Variants in FMN1 observed in about 807,000 individuals in gnomAD.
FMN1 encodes formin 1, also known as formin-1.
In FMN1, 110 loss-of-function variants were observed where a neutral mutation model predicts 132.4. The ratio of observed to expected loss-of-function variants is 0.83; its 90% CI spans 0.71 to 0.97. FMN1 has a LOEUF of 0.97. FMN1 is among the 50% of genes least tolerant of loss of function. FMN1 has a pLI of 0.00. For synonymous variants in FMN1, 722 were observed against 651.7 expected, an observed-to-expected ratio of 1.11 and a Z score of -1.64; for missense variants, 1,792 against 1,705.3, an observed-to-expected ratio of 1.05 and a Z score of -0.90.
chr15:33,059,576 G>T (rs529312388), intron 6 of FMN1, among the ~76,000 whole-genome samples: 3 of 151,844 alleles, frequency 2.0e-5, no homozygotes, highest in Non-Finnish European at 4.4e-5. Context: ...TTGGCAAAAA[G>T]ATTTAAAAAA....
intron 10 of FMN1, among the ~76,000 whole-genome samples, chr15:32,919,210 C>T (rs1349073295): frequency 8.5e-5 from 13 of 152,070 alleles, no homozygotes; most frequent in Non-Finnish European, 1.2e-4. Context: ...TTTAACTAAA[C>T]TTCACAAAAT....
chr15:32,813,986 G>A (rs933588305), intron 17 of FMN1, among the ~76,000 whole-genome samples: 1 of 152,128 alleles, frequency 6.6e-6, no homozygotes, highest in East Asian at 1.9e-4. Context: ...TCTTCCATAG[G>A]AATAGATACA....
rs36016183 is a variant in FMN1, at chr15:32,926,388, C to CTCT, written c.3139-130_3139-128dup. The CTCT allele has an allele frequency of 0.4, 222,959 of 559,832 alleles. 46,588 individuals are homozygous for CTCT. Among genetic ancestry groups the CTCT allele is most frequent in the African/African-American group, 0.58 (30,041 of 51,576 alleles). 34.7% of individuals were successfully genotyped at this position (559,832 alleles called of 1,614,324 possible). ...ATGAACTAAATTGATGCTGCATGCA[C>CTCT]TCTTTAAATAATACTTAATTGGGAA... On this transcript the variant is annotated intron_variant, in intron 9 of 20. Transcript: ENST00000616417.
chr15:32,785,503 C>A (rs1047511906), intron 19 of FMN1, among the ~76,000 whole-genome samples: 1 of 151,844 alleles, frequency 6.6e-6, no homozygotes, highest in Admixed American at 6.6e-5. Flanking sequence ...AGGTAACTGG[C>A]CCCTGAAAAT....
intron 10 of FMN1, among the ~76,000 whole-genome samples, chr15:32,916,841 T>C (rs2060696456): frequency 6.6e-6 from 1 of 152,110 alleles, no homozygotes; most frequent in African/African-American, 2.4e-5. Flanking sequence ...AAAATACTGG[T>C]ATTTTTCAGA....
At chr15:33,013,166 TG>T in intron 6 of FMN1, 1 of 368,700 alleles carries the variant, frequency 2.7e-6, no homozygotes, top group South Asian at 2.3e-5. Context: ...CAAAGCACAG[TG>T]GTGGCACAGG....
At chr15:32,938,834 T>C (rs552148470) in intron 9 of FMN1, among the ~76,000 whole-genome samples, 1 of 152,368 alleles carries the variant, frequency 6.6e-6, no homozygotes, top group East Asian at 1.9e-4. Flanking sequence ...TAATGATTTT[T>C]ATTAGTCACA....
Position 33,116,577 on chromosome 15 carries a change from GT to G in FMN1, c.1868-27604del, listed in dbSNP as rs370688329. Reference sequence around the variant, plus strand: ...TTCTGTTAAATTTAGTTTGTCGAAAGTTTTTTTTTTAATTTTTTAACACCTC... The same window carrying G: ...TTCTGTTAAATTTAGTTTGTCGAAAGTTTTTTTTTAATTTTTTAACACCTC... On this transcript the variant is annotated intron_variant, in intron 4 of 20. Coordinates refer to ENST00000616417, the MANE Select transcript of FMN1 (RefSeq NM_001277313.2). 1.1e-3 allele frequency among the ~76,000 whole-genome samples: 167 copies of G among 149,392 alleles called. 1 individual carries two copies. The highest frequency in any genetic ancestry group is 3.8e-3 in the African/African-American group (155 of 40,774).
At chr15:33,103,370 G>A (rs974847016) in intron 4 of FMN1, among the ~76,000 whole-genome samples, 1 of 152,056 alleles carries the variant, frequency 6.6e-6, no homozygotes, top group Non-Finnish European at 1.5e-5. Context: ...ACCTTCTGGA[G>A]TTACTATAAA....
Position 32,994,226 on chromosome 15 carries a change from TCTCTCTCACACA to T in FMN1, c.2223+13776_2223+13787del, listed in dbSNP as rs1566802834. 6.7e-5 allele frequency among the ~76,000 whole-genome samples: 10 copies of T among 148,524 alleles called. No homozygotes were observed. The South Asian group carries it at 2.1e-3, about 32-fold the overall frequency. ...TAGAACTCATTCCTCTCTCTCTCTC[TCTCTCTCACACA>T]CACACACACACAGACACACACACAC... On this transcript the variant is annotated intron_variant, in intron 7 of 20. Coordinates refer to ENST00000616417, the MANE Select transcript of FMN1 (RefSeq NM_001277313.2).
rs760480796 is a variant in FMN1 at position 32,964,202 on chromosome 15, G to A, written c.3043C>T (p.Pro1015Ser). The A allele has an allele frequency of 1.2e-6, 2 of 1,612,054 alleles. No homozygotes were observed. Among genetic ancestry groups the A allele is most frequent in the Non-Finnish European group, 1.7e-6 (2 of 1,178,758 alleles). ...GAGAATAAATACTCAAATTCACTGG[G>A]GTCCCGAATGTCAGGTTCTTCTAAG... ...DSLEEPDIRDPSEFEYLFSKD... is the reference protein window; with the variant it reads ...DSLEEPDIRDSSEFEYLFSKD... Residue 1015 changes from proline (P) to serine (S), a missense_variant, in exon 9 of 21, where the codon CCC becomes TCC. Transcript: ENST00000616417.
At chr15:33,128,467 T>C (rs1249296538) in intron 4 of FMN1, among the ~76,000 whole-genome samples, 2 of 152,172 alleles carry the variant, frequency 1.3e-5, no homozygotes, top group African/African-American at 2.4e-5. Context: ...CATTGCAAGG[T>C]CCATTTATAA....
intron 6 of FMN1, among the ~76,000 whole-genome samples, chr15:33,032,008 A>G (rs1016551368): frequency 3.3e-5 from 5 of 152,266 alleles, no homozygotes; most frequent in African/African-American, 1.2e-4. Context: ...TGTTACAATC[A>G]TTAACAACAA....
At chr15:33,126,725 G>A (rs962257745) in intron 4 of FMN1, among the ~76,000 whole-genome samples, 2 of 151,976 alleles carry the variant, frequency 1.3e-5, no homozygotes, top group East Asian at 1.9e-4. Context: ...CTACGCTACA[G>A]GCAGGCTGGA....
chr15:33,028,825 T>G (rs2141052962), intron 6 of FMN1, among the ~76,000 whole-genome samples: 1 of 152,296 alleles, frequency 6.6e-6, no homozygotes, highest in Admixed American at 6.5e-5. Context: ...CTTGATTAAC[T>G]CTAATACAGA....
chr15:32,992,770 A>G (rs1464275507), intron 7 of FMN1, among the ~76,000 whole-genome samples: 4 of 152,180 alleles, frequency 2.6e-5, no homozygotes, highest in African/African-American at 9.6e-5. Context: ...TAAGAAGACA[A>G]TTTTATTAAA....
intron 17 of FMN1, among the ~76,000 whole-genome samples, chr15:32,836,322 T>A (rs186974123): frequency 1.2e-3 from 179 of 152,328 alleles, no homozygotes; most frequent in African/African-American, 4.2e-3. Context: ...CAAAGCCAAC[T>A]GCATGGCGGT....
At chr15:32,991,508 C>G (rs2033432342) in intron 7 of FMN1, among the ~76,000 whole-genome samples, 1 of 152,186 alleles carries the variant, frequency 6.6e-6, no homozygotes, top group Non-Finnish European at 1.5e-5. Context: ...TAGGGAGCAT[C>G]AGGGCTGTGA....
intron 6 of FMN1, among the ~76,000 whole-genome samples, chr15:33,028,946 G>C (rs377621131): frequency 6.6e-6 from 1 of 152,146 alleles, no homozygotes; most frequent in African/African-American, 2.4e-5. Context: ...ATAGAAAACA[G>C]ATAAATTTGC....
Sources: allele counts gnomAD v4.1 joint callset (sites outside exome capture counted in the v4.1 genomes callset), GRCh38; gene constraint gnomAD v4.1.1; transcripts MANE v1.5; gene names NCBI Gene and HGNC (gene_info 2026-07-23, HGNC 2026-07-21).